The following DHX38 variants were observed in gnomAD, a reference collection of about 807,000 sequenced individuals.
The protein encoded by DHX38 is pre-mRNA-splicing factor ATP-dependent RNA helicase PRP16.
DHX38 carries 100 observed loss-of-function variants against 153.1 expected under a neutral mutation model. The observed-to-expected ratio is 0.65, with a 90% CI of 0.56 to 0.77. The LOEUF (loss-of-function observed/expected upper bound fraction) is 0.77, where lower values mean the gene tolerates loss of function less well. Among genes scored for constraint, DHX38 ranks in the 30% least tolerant of loss-of-function variants. The pLI, the probability that DHX38 is intolerant of heterozygous loss-of-function variation, is 0.00. For missense variants in DHX38, 1,440 were observed against 1,654.0 expected, an observed-to-expected ratio of 0.87 and a Z score of 2.24; for synonymous variants, 650 against 631.7, an observed-to-expected ratio of 1.03 and a Z score of -0.43.
rs1406230925 is a variant in DHX38 at position 72,097,674 on chromosome 16, T to C, written c.512-3T>C. ...TTTTTAAGCTTCGTGTGACTCTTCA[T>C]AGATGAGCGGGATAGAAGTAGGCAC... On this transcript the variant is annotated splice_polypyrimidine_tract_variant and splice_region_variant and intron_variant, in intron 3 of 26. Transcript: ENST00000268482. 1 of 1,613,650 alleles carries C rather than the reference T, an allele frequency of 6.2e-7. No homozygotes were observed. Among genetic ancestry groups the C allele is most frequent in the East Asian group, 2.2e-5 (1 of 44,882 alleles).
chr16:72,101,559 G>A lies in DHX38; in HGVS notation c.1446G>A (p.Lys482=), dbSNP rs920035994. The change falls in exon 11 of 27, where the codon AAG becomes AAA. Residue 482 remains lysine, a synonymous_variant. Transcript: ENST00000268482. The stretch of plus-strand genomic sequence containing the variant: ...AACTGGGAGATATAATGGGCGTCAA[G>A]AAGGAGGAAGAGCCAGATAAAGCTG... ...GTKLGDIMGV[K]KEEEPDKAVT... 1.9e-6 allele frequency: 3 copies of A among 1,552,014 alleles called. No homozygotes were observed. The African/African-American group carries it at 4.1e-5, about 21-fold the overall frequency.
chr16:72,105,993 G>C lies in DHX38; in HGVS notation c.2488-12G>C. The stretch of plus-strand genomic sequence containing the variant: ...CTCTGTCCTTCGTCAGCTCTTTGCC[G>C]TCCCCTCCTAGGTCTTCAACCCCAG... On this transcript the variant is annotated splice_polypyrimidine_tract_variant and intron_variant, in intron 18 of 26. Transcript: ENST00000268482. 6.2e-7 allele frequency: 1 copy of C among 1,611,564 alleles called. No homozygotes were observed. Among genetic ancestry groups the C allele is most frequent in the Non-Finnish European group, 8.5e-7 (1 of 1,178,018 alleles).
At chr16:72,111,740 T>C (rs2042259736) in intron 26 of DHX38, among the ~76,000 whole-genome samples, 1 of 152,174 alleles carries the variant, frequency 6.6e-6, no homozygotes, top group Non-Finnish European at 1.5e-5. Flanking sequence ...TATGACAGGT[T>C]ATTGCTAGCC....
Position 72,101,138 on chromosome 16 carries a change from C to G in DHX38, c.1331C>G (p.Ala444Gly), listed in dbSNP as rs2042094267. 3.1e-6 allele frequency: 5 copies of G among 1,614,246 alleles called. No homozygotes were observed. The highest frequency in any genetic ancestry group is 3.4e-6 in the Non-Finnish European group (4 of 1,180,042). Residue 444 changes from alanine (A) to glycine (G), a missense_variant, in exon 10 of 27, where the codon GCT (alanine) becomes GGT (glycine). By Grantham distance (60) the Ala-to-Gly change is moderately conservative. Coordinates refer to ENST00000268482, the MANE Select transcript of DHX38 (RefSeq NM_014003.4). ...KDATSDLAII[A>G]RKGSQTVRKH... ...GCTACTTCTGACCTGGCCATCATTG[C>G]TCGGAAAGGCAGCCAGACAGTGCGG...
Position 72,097,727 on chromosome 16 carries a change from T to TCAGAGCGTAGCAG in DHX38, c.567_579dup (p.Arg194AlafsTer2), listed in dbSNP as rs1567603498. On this transcript the variant is annotated frameshift_variant, in exon 4 of 27. Coordinates refer to ENST00000268482, the MANE Select transcript of DHX38 (RefSeq NM_014003.4). LOFTEE classifies it high-confidence loss of function. ...CAGCAGATCAGAGCGAGATGGAGGG[T>TCAGAGCGTAGCAG]CAGAGCGTAGCAGCAGAAGAAATGA... The TCAGAGCGTAGCAG allele has an allele frequency of 3.2e-5, 51 of 1,614,022 alleles. No individual in the cohort carries two copies. The highest frequency in any genetic ancestry group is 4.0e-5 in the Non-Finnish European group (47 of 1,179,978).
chr16:72,099,392 C>T, intron 7 of DHX38, 112 bp downstream of exon 7: 1 of 989,560 alleles, frequency 1.0e-6, no homozygotes, highest in Non-Finnish European at 1.5e-6. Flanking sequence ...CTGTTCAGAC[C>T]CAATGCCCTG....
Position 72,101,513 on chromosome 16 carries a change from A to G in DHX38, c.1400A>G (p.His467Arg). The G allele has an allele frequency of 6.4e-7, 1 of 1,551,958 alleles. No individual in the cohort carries two copies. Among genetic ancestry groups the G allele is most frequent in the Non-Finnish European group, 8.7e-7 (1 of 1,147,148 alleles). The change falls in exon 11 of 27, where the codon CAC (histidine) becomes CGC (arginine). Residue 467 changes from histidine to arginine, a missense_variant. Coordinates refer to ENST00000268482, the MANE Select transcript of DHX38 (RefSeq NM_014003.4). Reference protein sequence around the residue: ...QKERKKAQHKHWELAGTKLGD... With the variant: ...QKERKKAQHKRWELAGTKLGD... The stretch of plus-strand genomic sequence containing the variant: ...TTTCCTTTTCAGGCTCAGCACAAAC[A>G]CTGGGAACTGGCGGGGACCAAACTG...
rs751442718 is a variant in DHX38 at position 72,097,012 on chromosome 16, A to C, written c.511+3A>C. 1 of 1,612,936 alleles carries C rather than the reference A, an allele frequency of 6.2e-7. No homozygotes were observed. Among genetic ancestry groups the C allele is most frequent in the East Asian group, 2.2e-5 (1 of 44,892 alleles). On this transcript the variant is annotated splice_donor_region_variant and intron_variant, in intron 3 of 26. Coordinates refer to ENST00000268482, the MANE Select transcript of DHX38 (RefSeq NM_014003.4). ...CTATGACCGCAAGAGGGACAGAGGT[A>C]AACTGTCCAGCACAGTTCCTATTGT...
intron 8 of DHX38, 130 bp from the exon 9 acceptor site, chr16:72,100,306 A>G: frequency 8.1e-7 from 1 of 1,241,290 alleles, no homozygotes; most frequent in South Asian, 1.5e-5. Context: ...AGCTGTGGGT[A>G]GAGGCCTGTG....
Position 72,104,972 on chromosome 16 carries a change from G to A in DHX38, c.2152-55G>A, listed in dbSNP as rs1293957800. On this transcript the variant is annotated intron_variant, in intron 15 of 26. Coordinates refer to ENST00000268482, the MANE Select transcript of DHX38 (RefSeq NM_014003.4). This position sits in a 1 kb window ranked among gnomAD's most constrained non-coding sequence, Gnocchi z 4.5. ...CTGGGCCACTGGGCTCCCAGGAGAT[G>A]CCCGGCCTGCGCTTCTAGTACCTCC... is the stretch of plus-strand genomic sequence containing the variant. 1.9e-6 allele frequency: 3 copies of A among 1,549,138 alleles called. No individual in the cohort carries two copies. The highest frequency in any genetic ancestry group is 2.6e-6 in the Non-Finnish European group (3 of 1,136,026).
intron 21 of DHX38, among the ~76,000 whole-genome samples, 181 bp from the exon 22 acceptor site, chr16:72,108,046 C>G (rs959456404): frequency 6.6e-6 from 1 of 152,068 alleles, no homozygotes; most frequent in Non-Finnish European, 1.5e-5. Context: ...CTCTTGAGCC[C>G]TCATGTTTTA....
chr16:72,101,046 T>A, intron 9 of DHX38, 40 bp from the exon 10 acceptor site: 1 of 1,597,122 alleles, frequency 6.3e-7, no homozygotes, highest in Non-Finnish European at 8.6e-7. Flanking sequence ...GCCTTCTTGC[T>A]GATTTTAACG....
rs919370167 is a variant in DHX38, at chr16:72,099,756, A to G, written c.985A>G (p.Met329Val). Residue 329 changes from methionine (M) to valine (V), a missense_variant, in exon 8 of 27, where the codon ATG becomes GTG. Coordinates refer to ENST00000268482, the MANE Select transcript of DHX38 (RefSeq NM_014003.4). Reference sequence around the variant, plus strand: ...GCAAGCCGATCGGGATTGGTACATGATGGACGAGGGCTATGACGAGTTCCA... The same window carrying G: ...GCAAGCCGATCGGGATTGGTACATGGTGGACGAGGGCTATGACGAGTTCCA... Reference protein sequence around the residue: ...QRQADRDWYMMDEGYDEFHNP... With the variant: ...QRQADRDWYMVDEGYDEFHNP... 6.2e-7 allele frequency: 1 copy of G among 1,614,044 alleles called. No homozygotes were observed.
intron 19 of DHX38, 88 bp downstream of exon 19, chr16:72,106,205 C>T (rs878937972): frequency 2.4e-6 from 3 of 1,260,948 alleles, no homozygotes; most frequent in Non-Finnish European, 3.4e-6. Context: ...GATGCTGGCT[C>T]TAGAGCTGGT....
rs781491885 is a variant in DHX38 at position 72,103,167 on chromosome 16, C to T, written c.1593C>T (p.Tyr531=). ...AGTCCATCCTGGAGCAGAGGCAGTA[C>T]CTGCCCATCTTTGCAGTGCAGCAGG... ...KKKSILEQRQ[Y]LPIFAVQQEL... is the part of the protein sequence containing the mutation. Residue 531 remains tyrosine, a synonymous_variant, in exon 12 of 27, where the codon TAC becomes TAT. Transcript: ENST00000268482. 5.0e-6 allele frequency: 8 copies of T among 1,614,116 alleles called. No individual in the cohort carries two copies. The highest frequency in any genetic ancestry group is 1.7e-5 in the Admixed American group (1 of 60,002).
chr16:72,094,932 C>T (rs2144124037), intron 1 of DHX38, among the ~76,000 whole-genome samples: 1 of 152,374 alleles, frequency 6.6e-6, no homozygotes, highest in Non-Finnish European at 1.5e-5. Context: ...GTGTGGATTT[C>T]CTCACATGCG....
chr16:72,098,564 G>T (rs1054147643), intron 4 of DHX38, 81 bp from the exon 5 acceptor site: 2 of 1,540,490 alleles, frequency 1.3e-6, no homozygotes. Context: ...TAAATTTGGG[G>T]AATTGACTTT....
rs151219524 is a variant in DHX38 at position 72,097,603 on chromosome 16, C to T, written c.512-74C>T. 187 of 1,444,122 alleles carry T rather than the reference C, an allele frequency of 1.3e-4. No individual in the cohort carries two copies. In the East Asian group the frequency reaches 4.5e-3, roughly 35 times the overall value. 89.5% of individuals were successfully genotyped at this position (1,444,122 alleles called of 1,614,324 possible). On this transcript the variant is annotated intron_variant, in intron 3 of 26. Coordinates refer to ENST00000268482, the MANE Select transcript of DHX38 (RefSeq NM_014003.4). ...ACCTGTGAGTGAGTGGGCAGCCTGT[C>T]CTTTCTCTAGGGTGAAGATGTGTAT...
intron 2 of DHX38, among the ~76,000 whole-genome samples, 167 bp downstream of exon 2, chr16:72,096,647 G>A (rs949295785): frequency 2.6e-5 from 4 of 152,236 alleles, no homozygotes; most frequent in Admixed American, 2.6e-4. Flanking sequence ...AAACAAAGGT[G>A]AATAAAGACG....
Sources: gnomAD v4.1 joint callset for allele counts (sites outside exome capture counted in the v4.1 genomes callset) on GRCh38, gnomAD v4.1.1 for gene constraint, Gnocchi (gnomAD v3.1) non-coding constraint, MANE v1.5 for transcripts, NCBI Gene and HGNC (gene_info 2026-07-23, HGNC 2026-07-21) for gene names.